CDK15: variants seen among roughly 807,000 people sequenced by gnomAD.
CDK15 encodes the protein cyclin-dependent kinase 15.
In CDK15, 62 loss-of-function variants were observed where a neutral mutation model predicts 60.3. That is an observed-to-expected ratio of 1.03 (90% CI 0.84 to 1.27). The LOEUF (loss-of-function observed/expected upper bound fraction) is 1.27. Among genes scored for constraint, CDK15 ranks in the 50% most tolerant of loss-of-function variants. The probability of loss-of-function intolerance (pLI) is 0.00; values close to 1 mark genes in which losing one functional copy is unlikely to be tolerated. For missense variants in CDK15, 541 were observed against 527.8 expected (o/e 1.03, Z -0.25); for synonymous variants, 194 against 195.7 (o/e 0.99, Z 0.07).
chr2:201,826,193 G>C (rs185301960), intron 6 of CDK15, among the ~76,000 whole-genome samples: 258 of 152,272 alleles, frequency 1.7e-3, no homozygotes, highest in African/African-American at 5.9e-3. Flanking sequence ...GGGCGCAGTG[G>C]CTCACGCCTG....
At chr2:201,870,397 G>T (rs1049040551) in intron 10 of CDK15, among the ~76,000 whole-genome samples, 15 of 151,990 alleles carry the variant, frequency 9.9e-5, no homozygotes, top group African/African-American at 3.1e-4. Context: ...TATAGGAACT[G>T]GAGGAAGAGA....
At chr2:201,886,171 C>T (rs763404223) in intron 12 of CDK15, among the ~76,000 whole-genome samples, 4 of 152,186 alleles carry the variant, frequency 2.6e-5, no homozygotes, top group East Asian at 3.9e-4. Context: ...CTCCAGGTAG[C>T]GTGTTTAATA....
intron 10 of CDK15, among the ~76,000 whole-genome samples, chr2:201,870,461 C>G (rs973950600): frequency 2.0e-5 from 3 of 149,804 alleles, no homozygotes; most frequent in Non-Finnish European, 3.0e-5. Context: ...GTAATCCGAG[C>G]ACTTTGGGAG....
chr2:201,879,587 C>G (rs527573777), intron 11 of CDK15, among the ~76,000 whole-genome samples: 2 of 152,288 alleles, frequency 1.3e-5, no homozygotes, highest in East Asian at 3.9e-4. Flanking sequence ...GCCATGTTGG[C>G]CAGTCTGGTC....
At chr2:201,841,060 T>C (rs2105761082) in intron 8 of CDK15, among the ~76,000 whole-genome samples, 1 of 152,350 alleles carries the variant, frequency 6.6e-6, no homozygotes, top group East Asian at 1.9e-4. Flanking sequence ...TTTCCTTAAC[T>C]TTCTGTGATG....
chr2:201,867,761 C>T (rs1047888742), intron 10 of CDK15, among the ~76,000 whole-genome samples: 1 of 152,138 alleles, frequency 6.6e-6, no homozygotes, highest in Non-Finnish European at 1.5e-5. Context: ...TATGCAGCTC[C>T]CTTTGAGAAC....
rs977197980 is a variant in CDK15, at chr2:201,893,570, T to C, written c.*303T>C. The stretch of plus-strand genomic sequence containing the variant: ...GGGCTTCTGAATAACTTCATTCATT[T>C]TGGCATTTGTTAAGAGATTCCTGGG... On this transcript the variant is annotated 3_prime_UTR_variant, in exon 14 of 14. Coordinates refer to ENST00000652192, the MANE Select transcript of CDK15 (RefSeq NM_001366386.2). 5 of 152,198 alleles carry C rather than the reference T, an allele frequency of 3.3e-5. No individual in the cohort carries two copies. Among genetic ancestry groups the C allele is most frequent in the African/African-American group, 1.2e-4 (5 of 41,450 alleles). 9.4% of individuals were successfully genotyped at this position (152,198 alleles called of 1,614,324 possible). A position where few individuals can be genotyped will look rare whatever the true frequency, so the allele number is the denominator to read the frequency against.
In CDK15 at chr2:201,894,918, T is replaced by C. The variant is rs1167232661; in HGVS notation, c.*1651T>C. 6.6e-6 allele frequency: 1 copy of C among 152,218 alleles called. No homozygotes were observed. Among genetic ancestry groups the C allele is most frequent in the Non-Finnish European group, 1.5e-5 (1 of 68,034 alleles). 9.4% of individuals were successfully genotyped at this position (152,218 alleles called of 1,614,324 possible). On this transcript the variant is annotated 3_prime_UTR_variant, in exon 14 of 14. Coordinates refer to ENST00000652192, the MANE Select transcript of CDK15 (RefSeq NM_001366386.2). ...TCAAATTTCATCTGACTTAAATTCT[T>C]ACACTTTGGGCTACAACTTAAAAAA...
At chr2:201,877,762 A>T (rs1290867337) in intron 11 of CDK15, among the ~76,000 whole-genome samples, 1 of 152,216 alleles carries the variant, frequency 6.6e-6, no homozygotes, top group Non-Finnish European at 1.5e-5. Context: ...CTGGCCTGGA[A>T]ATTTGCAAGG....
chr2:201,887,982 C>T lies in CDK15; in HGVS notation c.1199-2803C>T, dbSNP rs752785221. Among the ~76,000 whole-genome samples, 11 of 150,704 alleles carry T rather than the reference C, an allele frequency of 7.3e-5. No homozygotes were observed. In the East Asian group the frequency reaches 1.4e-3, roughly 19 times the overall value. Reference sequence around the variant, plus strand: ...ATGTGGGAGAGTAGTGCAAAACCCACGTGACACGGAAGATTACAAGACATT... The same window carrying T: ...ATGTGGGAGAGTAGTGCAAAACCCATGTGACACGGAAGATTACAAGACATT... On this transcript the variant is annotated intron_variant, in intron 12 of 13. Transcript: ENST00000652192.
Position 201,894,167 on chromosome 2 carries a change from C to T in CDK15, c.*900C>T, listed in dbSNP as rs1360366594. The stretch of plus-strand genomic sequence containing the variant: ...TAGCTAACACGTGTGCCGTTTTATA[C>T]AATGACTCCTTCTAAAAGCAGCCAG... On this transcript the variant is annotated 3_prime_UTR_variant, in exon 14 of 14. Coordinates refer to ENST00000652192, the MANE Select transcript of CDK15 (RefSeq NM_001366386.2). The T allele has an allele frequency of 6.6e-6, 1 of 152,002 alleles. No homozygotes were observed. The highest frequency in any genetic ancestry group is 1.5e-5 in the Non-Finnish European group (1 of 68,172). The allele number at this position is 152,002 out of a possible 1,614,324, so 9.4% of individuals were successfully genotyped here.
chr2:201,886,261 CTTTAG>C (rs199610911), intron 12 of CDK15, among the ~76,000 whole-genome samples: 2 of 151,942 alleles, frequency 1.3e-5, no homozygotes, highest in Non-Finnish European at 1.5e-5. Flanking sequence ...TGCCATCTTA[CTTTAG>C]TTTATTTTCT....
Position 201,860,861 on chromosome 2 carries a change from C to T in CDK15, c.1009+5924C>T, listed in dbSNP as rs753180152. 6.7e-6 allele frequency: 9 copies of T among 1,351,802 alleles called. No individual in the cohort carries two copies. The East Asian group carries it at 1.4e-4, about 20-fold the overall frequency. The allele number at this position is 1,351,802 out of a possible 1,614,324, so 83.7% of individuals were successfully genotyped here. ...TAAATCCAGTGTGAGAGCTTCACTG[C>T]GTCTGAAACCACTATGAGACAGAAG... is the stretch of plus-strand genomic sequence containing the variant. On this transcript the variant is annotated intron_variant, in intron 10 of 13. Coordinates refer to ENST00000652192, the MANE Select transcript of CDK15 (RefSeq NM_001366386.2).
At chr2:201,874,478 G>T (rs1268695160) in intron 11 of CDK15, among the ~76,000 whole-genome samples, 1 of 152,166 alleles carries the variant, frequency 6.6e-6, no homozygotes, top group Non-Finnish European at 1.5e-5. Context: ...GGAAACTGAG[G>T]CTGAGAGAAG....
chr2:201,851,141 A>C lies in CDK15; in HGVS notation c.945+3667A>C, dbSNP rs146681418. On this transcript the variant is annotated intron_variant, in intron 9 of 13. Coordinates refer to ENST00000652192, the MANE Select transcript of CDK15 (RefSeq NM_001366386.2). ...ACCCCATCTCTACTAAAAATACAAA[A>C]ACTAGCCGAACGTGGTGGTGTGCAC... 7.3e-3 allele frequency among the ~76,000 whole-genome samples: 1,115 copies of C among 151,900 alleles called. 15 individuals are homozygous for C. Among genetic ancestry groups the C allele is most frequent in the African/African-American group, 0.026 (1,076 of 41,382 alleles).
intron 4 of CDK15, among the ~76,000 whole-genome samples, chr2:201,815,325 A>G (rs1312339542): frequency 1.3e-5 from 2 of 152,174 alleles, no homozygotes; most frequent in Non-Finnish European, 2.9e-5. Context: ...TGGTGATTCA[A>G]ACCAAATCTC....
At chr2:201,856,720 A>C (rs1015155113) in intron 10 of CDK15, among the ~76,000 whole-genome samples, 3 of 152,186 alleles carry the variant, frequency 2.0e-5, no homozygotes, top group Non-Finnish European at 1.5e-5. Context: ...AGAAGTTTAG[A>C]GTCACAGATG....
chr2:201,807,065 T>C (rs57719338), intron 1 of CDK15, among the ~76,000 whole-genome samples: 2,820 of 152,272 alleles, frequency 0.019, 54 homozygotes, highest in African/African-American at 0.044. Flanking sequence ...GGTCCTAAAT[T>C]ACAGAGCTGA....
chr2:201,816,395 T>C (rs1448601569), intron 4 of CDK15, among the ~76,000 whole-genome samples: 1 of 151,602 alleles, frequency 6.6e-6, no homozygotes, highest in East Asian at 1.9e-4. Context: ...TTTCTGTTCC[T>C]GGGTTAATTC....
Sources: gnomAD v4.1 joint callset for allele counts (sites outside exome capture counted in the v4.1 genomes callset) on GRCh38, gnomAD v4.1.1 for gene constraint, MANE v1.5 for transcripts, NCBI Gene and HGNC (gene_info 2026-07-23, HGNC 2026-07-21) for gene names.